Variants in FSHR observed in about 807,000 individuals in gnomAD.
FSHR encodes follicle stimulating hormone receptor.
Under a neutral mutation model 52.1 loss-of-function variants are expected in FSHR, and 46 were observed. That is an observed-to-expected ratio of 0.88 (90% CI 0.70 to 1.13). The LOEUF (loss-of-function observed/expected upper bound fraction) is 1.13, where lower values mean the gene tolerates loss of function less well. FSHR is among the 50% of genes most tolerant of loss of function. The pLI is 0.00. For synonymous variants in FSHR, 399 were observed against 309.6 expected, an observed-to-expected ratio of 1.29 and a Z score of -3.03; for missense variants, 964 against 834.6, an observed-to-expected ratio of 1.16 and a Z score of -1.91.
At chr2:49,056,672 C>G (rs963174009) in intron 2 of FSHR, among the ~76,000 whole-genome samples, 33 of 151,874 alleles carry the variant, frequency 2.2e-4, no homozygotes, top group African/African-American at 7.7e-4. Context: ...CAGACACTTA[C>G]AGAACATTTC....
chr2:49,052,120 A>C (rs954644557), intron 2 of FSHR, among the ~76,000 whole-genome samples: 2 of 152,212 alleles, frequency 1.3e-5, no homozygotes, highest in East Asian at 3.8e-4. Flanking sequence ...ATTTTAAACA[A>C]AATATTAGCA....
At chr2:49,051,494 A>G (rs1381475706) in intron 2 of FSHR, among the ~76,000 whole-genome samples, 8 of 152,062 alleles carry the variant, frequency 5.3e-5, no homozygotes. Context: ...TTTGTGAAGT[A>G]TCTGTTCAGA....
At chr2:49,033,512 C>T (rs532085000) in intron 2 of FSHR, among the ~76,000 whole-genome samples, 26 of 152,162 alleles carry the variant, frequency 1.7e-4, no homozygotes, top group East Asian at 5.8e-4. Flanking sequence ...AAGAGGCCAA[C>T]GCAGGAGGGC....
At chr2:48,975,643 T>C (rs6708725) in intron 8 of FSHR, among the ~76,000 whole-genome samples, 116,962 of 152,034 alleles carry the variant, frequency 0.77, 45,103 homozygotes, top group Non-Finnish European at 0.78. Context: ...CTAAGAAATC[T>C]CCTCTTCTCT....
chr2:49,071,779 C>A (rs1355950437), intron 1 of FSHR, among the ~76,000 whole-genome samples: 1 of 151,246 alleles, frequency 6.6e-6, no homozygotes, highest in African/African-American at 2.4e-5. Flanking sequence ...GGAAGGAGGA[C>A]AGGCATCACG....
chr2:49,070,726 T>C (rs1196575841), intron 1 of FSHR, among the ~76,000 whole-genome samples: 1 of 152,182 alleles, frequency 6.6e-6, no homozygotes, highest in Non-Finnish European at 1.5e-5. Context: ...TTCAAACTTA[T>C]TAACATAATT....
At chr2:49,101,586 G>T (rs974940349) in intron 1 of FSHR, among the ~76,000 whole-genome samples, 13 of 152,248 alleles carry the variant, frequency 8.5e-5, no homozygotes, top group African/African-American at 3.1e-4. Flanking sequence ...GTGGGGGTAT[G>T]GTTCAGAATA....
chr2:49,080,316 C>G (rs1447528500), intron 1 of FSHR, among the ~76,000 whole-genome samples: 1 of 152,156 alleles, frequency 6.6e-6, no homozygotes, highest in East Asian at 1.9e-4. Context: ...GTAGAAGATA[C>G]AAAATGCCCT....
intron 6 of FSHR, 73 bp downstream of exon 6, chr2:48,988,904 T>C: frequency 7.8e-7 from 1 of 1,276,834 alleles, no homozygotes; most frequent in Non-Finnish European, 1.1e-6. Context: ...AAAAGGAGCA[T>C]CCAATTATGA....
intron 1 of FSHR, among the ~76,000 whole-genome samples, chr2:49,103,919 A>C (rs989168820): frequency 6.7e-6 from 1 of 150,308 alleles, no homozygotes. Flanking sequence ...TTGCTGCCCC[A>C]TTGGTTTTCC....
intron 4 of FSHR, among the ~76,000 whole-genome samples, chr2:49,012,325 A>G (rs1400727785): frequency 1.3e-5 from 2 of 152,180 alleles, no homozygotes; most frequent in Non-Finnish European, 2.9e-5. Flanking sequence ...TATTGCCTGT[A>G]AATACAATAT....
At chr2:49,083,971 A>G (rs1259212763) in intron 1 of FSHR, among the ~76,000 whole-genome samples, 7 of 152,046 alleles carry the variant, frequency 4.6e-5, no homozygotes, top group Non-Finnish European at 7.4e-5. Flanking sequence ...CCAGGAATTG[A>G]ACTCAGCTCT....
chr2:48,971,722 T>C (rs1357893130), intron 8 of FSHR, among the ~76,000 whole-genome samples: 1 of 152,212 alleles, frequency 6.6e-6, no homozygotes, highest in African/African-American at 2.4e-5. Flanking sequence ...ATTTTGGATT[T>C]GTATAGTTCT....
chr2:49,057,810 G>T (rs1669121594), intron 2 of FSHR, among the ~76,000 whole-genome samples: 1 of 152,006 alleles, frequency 6.6e-6, no homozygotes, highest in South Asian at 2.1e-4. Context: ...AGACATCAAA[G>T]AAATAATATA....
intron 1 of FSHR, among the ~76,000 whole-genome samples, chr2:49,115,524 G>A (rs1486295041): frequency 6.6e-6 from 1 of 152,168 alleles, no homozygotes; most frequent in Non-Finnish European, 1.5e-5. Context: ...TTTGTGAGAA[G>A]AGGAGGAAAC....
chr2:49,048,233 G>T (rs370625091), intron 2 of FSHR, among the ~76,000 whole-genome samples: 7 of 150,906 alleles, frequency 4.6e-5, no homozygotes, highest in African/African-American at 1.7e-4. Context: ...CATACCTCAA[G>T]AAGACTGGAA....
intron 2 of FSHR, among the ~76,000 whole-genome samples, chr2:49,025,020 C>G (rs1364767517): frequency 6.6e-6 from 1 of 152,154 alleles, no homozygotes; most frequent in Non-Finnish European, 1.5e-5. Context: ...TGCTCCCAGT[C>G]AAATGTTTGC....
In FSHR at chr2:48,989,091, A is replaced by G. The variant is rs771787936; in HGVS notation, c.447-37T>C. The G allele has an allele frequency of 5.8e-6, 9 of 1,544,370 alleles. No homozygotes were observed. The African/African-American group carries it at 6.8e-5, about 12-fold the overall frequency. ...TACAGACAAATAAGATACTTACATC[A>G]GCTCTACTCATGTAACCTTCCAAAA... On this transcript the variant is annotated intron_variant, in intron 5 of 9. Coordinates refer to ENST00000406846, the MANE Select transcript of FSHR (RefSeq NM_000145.4).
chr2:49,093,547 C>G (rs1376247197), intron 1 of FSHR, among the ~76,000 whole-genome samples: 1 of 151,052 alleles, frequency 6.6e-6, no homozygotes, highest in East Asian at 1.9e-4. Context: ...GGCATAGTCT[C>G]TCTTTTTTCA....
Sources: allele counts gnomAD v4.1 joint callset (sites outside exome capture counted in the v4.1 genomes callset), GRCh38; gene constraint gnomAD v4.1.1; transcripts MANE v1.5; gene names NCBI Gene and HGNC (gene_info 2026-07-23, HGNC 2026-07-21).